NSD2: variants seen among roughly 807,000 people sequenced by gnomAD.
NSD2 encodes the protein nuclear receptor binding SET domain protein 2.
In NSD2, 12 loss-of-function variants were observed where a neutral mutation model predicts 139.0. The observed-to-expected ratio is 0.09, with a 90% CI of 0.06 to 0.14. NSD2 has a LOEUF of 0.14. Ranked by LOEUF, NSD2 falls within the 10% of genes least tolerant of loss-of-function variation. NSD2 has a pLI of 1.00. For synonymous variants in NSD2, 669 were observed against 648.7 expected, an observed-to-expected ratio of 1.03 and a Z score of -0.48; for missense variants, 1,155 against 1,745.0, an observed-to-expected ratio of 0.66 and a Z score of 6.02.
At chr4:1,880,310 C>T (rs1253041453) in intron 1 of NSD2, among the ~76,000 whole-genome samples, 1 of 152,166 alleles carries the variant, frequency 6.6e-6, no homozygotes, top group Non-Finnish European at 1.5e-5. Context: ...GAAGTTAGAA[C>T]TCCTGCAGGG....
chr4:1,978,974 G>A lies in NSD2; in HGVS notation c.*65G>A. On this transcript the variant is annotated 3_prime_UTR_variant, in exon 22 of 22. Transcript: ENST00000508803. ...GGCGGCCGGCCCTGCCTGCGGGAGA[G>A]GGCGAGCATGAACTGGCCCGGAGGA... 6.9e-7 allele frequency: 1 copy of A among 1,439,144 alleles called. No individual in the cohort carries two copies. Among genetic ancestry groups the A allele is most frequent in the East Asian group, 2.5e-5 (1 of 39,622 alleles). 89.1% of individuals were successfully genotyped at this position (1,439,144 alleles called of 1,614,324 possible).
intron 3 of NSD2, among the ~76,000 whole-genome samples, chr4:1,912,497 A>C (rs1454449229): frequency 6.6e-5 from 10 of 152,070 alleles, no homozygotes; most frequent in African/African-American, 2.4e-4. Flanking sequence ...CTTTCTTTTG[A>C]AATCATACAC....
chr4:1,924,786 G>A (rs1310607320), intron 5 of NSD2, among the ~76,000 whole-genome samples: 2 of 151,922 alleles, frequency 1.3e-5, no homozygotes, highest in Non-Finnish European at 2.9e-5. Context: ...AATTAACGGG[G>A]CATGATGGTG....
In NSD2 at chr4:1,904,398, G is replaced by GT. The variant is rs1338532178; in HGVS notation, c.760+25dup. The stretch of plus-strand genomic sequence containing the variant: ...TTAAAGGTATTGTGTTCTTTGGGTT[G>GT]TTTTTCCAACTTTCTCTTCTGCACT... On this transcript the variant is annotated intron_variant, in intron 3 of 21. Coordinates refer to ENST00000508803, the MANE Select transcript of NSD2 (RefSeq NM_001042424.3). 1 of 1,586,766 alleles carries GT rather than the reference G, an allele frequency of 6.3e-7. No homozygotes were observed. The highest frequency in any genetic ancestry group is 1.4e-5 in the African/African-American group (1 of 73,766).
At chr4:1,951,258 G>T in intron 10 of NSD2, 55 bp downstream of exon 10, 4 of 1,609,282 alleles carry the variant, frequency 2.5e-6, no homozygotes, top group Non-Finnish European at 3.4e-6. Context: ...TGGGGCCCCG[G>T]TACGCAGAGC....
At chr4:1,932,045 T>C (rs748205109) in intron 6 of NSD2, among the ~76,000 whole-genome samples, 30 of 152,192 alleles carry the variant, frequency 2.0e-4, no homozygotes, top group Non-Finnish European at 4.1e-4. Flanking sequence ...TGCAGGTTCT[T>C]GGGTGTCCTT....
chr4:1,908,418 C>G (rs192821631), intron 3 of NSD2, among the ~76,000 whole-genome samples: 109 of 152,308 alleles, frequency 7.2e-4, no homozygotes, highest in South Asian at 1.7e-3. Flanking sequence ...ACAAGCAAAC[C>G]TACTTCAGAA....
intron 1 of NSD2, among the ~76,000 whole-genome samples, chr4:1,871,936 C>T (rs1241512700): frequency 1.4e-5 from 2 of 147,974 alleles, no homozygotes; most frequent in African/African-American, 4.9e-5. Context: ...TGTGCCCGGC[C>T]CGGCCGAGGC....
chr4:1,967,020 C>T (rs1725957524), intron 18 of NSD2, among the ~76,000 whole-genome samples: 1 of 152,010 alleles, frequency 6.6e-6, no homozygotes, highest in South Asian at 2.1e-4. Context: ...AATTGACAAA[C>T]CTTTAACTAG....
rs576622541 is a variant in NSD2 at position 1,883,693 on chromosome 4, C to G, written c.-30+12151C>G. ...GCTGATCCCACCTTGTTTGTTGTCC[C>G]CATCTGCTCTCCCAGCTGTAGTGGA... On this transcript the variant is annotated intron_variant, in intron 1 of 21. Coordinates refer to ENST00000508803, the MANE Select transcript of NSD2 (RefSeq NM_001042424.3). Among the ~76,000 whole-genome samples, 11 of 152,206 alleles carry G rather than the reference C, an allele frequency of 7.2e-5. No individual in the cohort carries two copies. In the East Asian group the frequency reaches 2.1e-3, roughly 29 times the overall value.
At chr4:1,888,643 C>T (rs916520956) in intron 1 of NSD2, among the ~76,000 whole-genome samples, 1 of 151,814 alleles carries the variant, frequency 6.6e-6, no homozygotes, top group Non-Finnish European at 1.5e-5. Context: ...CGGCTTACTG[C>T]GGCCTCCACC....
At chr4:1,934,880 TATATATATATATATA>T (rs1315484133) in intron 6 of NSD2, among the ~76,000 whole-genome samples, 1 of 55,316 alleles carries the variant, frequency 1.8e-5, no homozygotes, top group Non-Finnish European at 3.5e-5. Flanking sequence ...AAAAAAAAAA[TATATATATATATATA>T]TATATATATA....
At chr4:1,901,977 C>T (rs1717244096) in intron 2 of NSD2, among the ~76,000 whole-genome samples, 1 of 152,168 alleles carries the variant, frequency 6.6e-6, no homozygotes, top group Non-Finnish European at 1.5e-5. Context: ...CTCGGGATGG[C>T]CCTGACACTC....
intron 1 of NSD2, among the ~76,000 whole-genome samples, chr4:1,874,663 A>G (rs1345446980): frequency 1.3e-5 from 2 of 152,220 alleles, no homozygotes; most frequent in Non-Finnish European, 2.9e-5. Context: ...ACTCTGAAAC[A>G]TTGCAAGTAT....
At chr4:1,934,908 T>TATATATATATATATATAA (rs1223710483) in intron 6 of NSD2, among the ~76,000 whole-genome samples, 2 of 79,094 alleles carry the variant, frequency 2.5e-5, no homozygotes, top group Non-Finnish European at 2.5e-5. Flanking sequence ...TATATATATA[T>TATATATATATATATATAA]AAAAAACAGA....
intron 1 of NSD2, among the ~76,000 whole-genome samples, chr4:1,893,556 T>TTG (rs1553860856): frequency 3.6e-5 from 5 of 139,766 alleles, no homozygotes; most frequent in African/African-American, 1.5e-4. Flanking sequence ...TTTTTTTTTT[T>TTG]TTTGTTTTGT....
chr4:1,961,319 T>C (rs1380652545), intron 18 of NSD2, among the ~76,000 whole-genome samples, 168 bp downstream of exon 18: 1 of 152,150 alleles, frequency 6.6e-6, no homozygotes, highest in East Asian at 1.9e-4. Flanking sequence ...GTCTTTCAGC[T>C]GCGCCGGAGG....
intron 18 of NSD2, among the ~76,000 whole-genome samples, chr4:1,970,854 C>G (rs927294373): frequency 6.6e-6 from 1 of 152,186 alleles, no homozygotes; most frequent in African/African-American, 2.4e-5. Context: ...GAGTCCCCAA[C>G]AGCAGGAAAT....
chr4:1,937,484 A>G (rs1465781692), intron 7 of NSD2, among the ~76,000 whole-genome samples: 1 of 152,234 alleles, frequency 6.6e-6, no homozygotes, highest in Non-Finnish European at 1.5e-5. Context: ...ATTCACATTA[A>G]GTGGCTAGTA....
Sources: gnomAD v4.1 joint callset for allele counts (sites outside exome capture counted in the v4.1 genomes callset) on GRCh38, gnomAD v4.1.1 for gene constraint, MANE v1.5 for transcripts, NCBI Gene and HGNC (gene_info 2026-07-23, HGNC 2026-07-21) for gene names.